EFHD1: variants seen among roughly 807,000 people sequenced by gnomAD.
The protein encoded by EFHD1 is EF-hand domain family member D1, also known as EF-hand domain-containing protein D1.
A neutral mutation model predicts 17.2 loss-of-function variants in EFHD1; 10 were observed. The observed-to-expected ratio is 0.58, with a 90% CI of 0.36 to 0.99. EFHD1 has a LOEUF of 0.99. Among genes scored for constraint, EFHD1 ranks in the 50% least tolerant of loss-of-function variants. The pLI, the probability that EFHD1 is intolerant of heterozygous loss-of-function variation, is 0.01. For synonymous variants in EFHD1, 153 were observed against 142.0 expected (o/e 1.08, Z -0.55); for missense variants, 310 against 327.5 (o/e 0.95, Z 0.41).
chr2:232,631,227 T>C (rs1694195377), upstream of EFHD1, among the ~76,000 whole-genome samples: 1 of 149,394 alleles, frequency 6.7e-6, no homozygotes, highest in African/African-American at 2.5e-5. Flanking sequence ...AACTCCGTCT[T>C]AAAAAAAAAA....
At chr2:232,630,626 TG>T (rs1429089545), upstream of EFHD1, among the ~76,000 whole-genome samples, 1 of 152,036 alleles carries the variant, frequency 6.6e-6, no homozygotes, top group Non-Finnish European at 1.5e-5. Flanking sequence ...AGTGAAATTT[TG>T]TTCACAATCC....
At chr2:232,667,881 A>G (rs902488976) in intron 2 of EFHD1, among the ~76,000 whole-genome samples, 11 of 152,166 alleles carry the variant, frequency 7.2e-5, no homozygotes, top group African/African-American at 2.7e-4. Flanking sequence ...TAAATAATGA[A>G]TACCTCCTTT....
At chr2:232,643,436 C>G (rs191212078) in intron 1 of EFHD1, among the ~76,000 whole-genome samples, 9 of 152,166 alleles carry the variant, frequency 5.9e-5, no homozygotes, top group African/African-American at 2.2e-4. Context: ...GAGACAGGGT[C>G]TTGCTCTGTC....
At chr2:232,615,332 T>TGTGTGA (rs1553594544) in intron 1 of EFHD1, among the ~76,000 whole-genome samples, 4 of 142,122 alleles carry the variant, frequency 2.8e-5, no homozygotes, top group African/African-American at 9.8e-5. Context: ...TGTGTGTGTG[T>TGTGTGA]GTGTGTGTGT....
chr2:232,638,063 C>T (rs2106195868), intron 1 of EFHD1: 1 of 214,072 alleles, frequency 4.7e-6, no homozygotes, highest in Admixed American at 5.0e-5. Context: ...TCTCCATTTC[C>T]AAGCCTGTTA....
chr2:232,623,673 CAAAAAAAAAA>C (rs756932393), intron 1 of EFHD1, among the ~76,000 whole-genome samples: 5 of 86,642 alleles, frequency 5.8e-5, no homozygotes, highest in African/African-American at 4.5e-5. Flanking sequence ...AGTCTCTGTC[CAAAAAAAAAA>C]AAAAAAAAAA....
chr2:232,618,377 T>C (rs1304135268), intron 1 of EFHD1, among the ~76,000 whole-genome samples: 3 of 152,168 alleles, frequency 2.0e-5, no homozygotes, highest in Non-Finnish European at 4.4e-5. Context: ...AAAGAAGATA[T>C]ACAAATAGCT....
intron 1 of EFHD1, chr2:232,606,201 C>A: frequency 1.3e-6 from 2 of 1,549,554 alleles, no homozygotes; most frequent in Non-Finnish European, 8.7e-7. Context: ...CCCCTTTCAC[C>A]CTTGAGAGTC....
chr2:232,625,023 A>G (rs1458459897), intron 1 of EFHD1, among the ~76,000 whole-genome samples: 1 of 152,152 alleles, frequency 6.6e-6, no homozygotes, highest in Non-Finnish European at 1.5e-5. Flanking sequence ...AGTACTTATC[A>G]TCCAAGCTAG....
chr2:232,658,979 C>G (rs1233063883), intron 1 of EFHD1, among the ~76,000 whole-genome samples: 1 of 151,924 alleles, frequency 6.6e-6, no homozygotes, highest in Non-Finnish European at 1.5e-5. Flanking sequence ...TTCAGTGAAC[C>G]CATGGAAATT....
chr2:232,648,082 A>C (rs1000731143), intron 1 of EFHD1, among the ~76,000 whole-genome samples: 1 of 152,176 alleles, frequency 6.6e-6, no homozygotes, highest in African/African-American at 2.4e-5. Context: ...TTTACAAAAA[A>C]TATGAAAAAC....
chr2:232,631,993 A>G (rs1486305621), upstream of EFHD1, among the ~76,000 whole-genome samples: 1 of 149,940 alleles, frequency 6.7e-6, no homozygotes, highest in East Asian at 1.9e-4. Flanking sequence ...ACAAGAATGA[A>G]ACTCCATCTC....
chr2:232,667,645 CG>C (rs544909988), intron 2 of EFHD1, among the ~76,000 whole-genome samples: 248 of 152,138 alleles, frequency 1.6e-3, no homozygotes, highest in African/African-American at 5.8e-3. Flanking sequence ...CTCCGCCTCC[CG>C]GGTTCAAACG....
At chr2:232,631,705 A>AC (rs1553597021), upstream of EFHD1, among the ~76,000 whole-genome samples, 5 of 139,694 alleles carry the variant, frequency 3.6e-5, no homozygotes, top group East Asian at 2.0e-4. Flanking sequence ...AAAAAAAAAA[A>AC]ACAAAAACAA....
chr2:232,651,568 CCA>C (rs1365105654), intron 1 of EFHD1, among the ~76,000 whole-genome samples: 3 of 152,232 alleles, frequency 2.0e-5, no homozygotes, highest in Admixed American at 6.5e-5. Flanking sequence ...CCCCTCACTC[CCA>C]GTTTCCTTCA....
At chr2:232,664,835 G>A (rs1230591374) in intron 2 of EFHD1, among the ~76,000 whole-genome samples, 1 of 150,028 alleles carries the variant, frequency 6.7e-6, no homozygotes, top group Admixed American at 6.6e-5. Context: ...GGATGGTCTC[G>A]ATCTCCTGAC....
chr2:232,631,485 T>C (rs926020892), upstream of EFHD1, among the ~76,000 whole-genome samples: 2 of 151,318 alleles, frequency 1.3e-5, no homozygotes, highest in Non-Finnish European at 2.9e-5. Flanking sequence ...TTTTATTTTA[T>C]CTTTTTTTGT....
In EFHD1 at chr2:232,633,866, G is replaced by C. The variant is rs777259150; in HGVS notation, c.162G>C (p.Glu54Asp). 2.0e-6 allele frequency: 3 copies of C among 1,523,278 alleles called. No individual in the cohort carries two copies. Among genetic ancestry groups the C allele is most frequent in the Non-Finnish European group, 2.6e-6 (3 of 1,144,462 alleles). The allele number at this position is 1,523,278 out of a possible 1,614,324, so 94.4% of individuals were successfully genotyped here. A position where few individuals can be genotyped will look rare whatever the true frequency, so the allele number is the denominator to read the frequency against. The change falls in exon 1 of 4, where the codon GAG (glutamate) becomes GAC (aspartate). Residue 54 changes from glutamate (E) to aspartate (D), a missense_variant. Physicochemically the swap from Glu to Asp is conservative, Grantham distance 45. Transcript: ENST00000264059. ...CGCCCACGGCCAGCGCCGACGCGGA[G>C]CTGAGCGCCCAGCTGAGCCGGCGGC... is the stretch of plus-strand genomic sequence containing the variant. ...ARAPTASADAELSAQLSRRLD... is the reference protein window; with the variant it reads ...ARAPTASADADLSAQLSRRLD...
intron 1 of EFHD1, among the ~76,000 whole-genome samples, chr2:232,613,975 TAC>T (rs919043507): frequency 2.8e-4 from 42 of 150,918 alleles, no homozygotes; most frequent in Admixed American, 6.6e-4. Flanking sequence ...CACACGTGAA[TAC>T]ACACACACAT....
Sources: gnomAD v4.1 joint callset for allele counts (sites outside exome capture counted in the v4.1 genomes callset) on GRCh38, gnomAD v4.1.1 for gene constraint, MANE v1.5 for transcripts, NCBI Gene and HGNC (gene_info 2026-07-23, HGNC 2026-07-21) for gene names.